DPP10: variants seen among roughly 807,000 people sequenced by gnomAD.
The protein encoded by DPP10 is inactive dipeptidyl peptidase 10.
Under a neutral mutation model 120.9 loss-of-function variants are expected in DPP10, and 33 were observed. That is an observed-to-expected ratio of 0.27 (90% CI 0.21 to 0.37). The LOEUF (loss-of-function observed/expected upper bound fraction) is 0.37. Among genes scored for constraint, DPP10 ranks in the 10% least tolerant of loss-of-function variants. The pLI is 1.00. For synonymous variants in DPP10, 337 were observed against 326.1 expected, an observed-to-expected ratio of 1.03 and a Z score of -0.36; for missense variants, 816 against 942.8, an observed-to-expected ratio of 0.87 and a Z score of 1.76.
chr2:115,203,135 C>A (rs1262457568), intron 1 of DPP10, among the ~76,000 whole-genome samples: 1 of 152,124 alleles, frequency 6.6e-6, no homozygotes, highest in Non-Finnish European at 1.5e-5. Flanking sequence ...GGGAATAAGA[C>A]CTGCTTACCA....
rs577703769 is a variant in DPP10, at chr2:115,060,985, T to C, written c.61-248254T>C. ...CAATGTTTCTTGCTGAAGCTCATAATGGATTTGAAAATCCTTGTAATGCCT... is the reference window on the plus strand; with the variant it reads ...CAATGTTTCTTGCTGAAGCTCATAACGGATTTGAAAATCCTTGTAATGCCT... On this transcript the variant is annotated intron_variant, in intron 1 of 25. Coordinates refer to ENST00000410059, the MANE Select transcript of DPP10 (RefSeq NM_020868.6). Among the ~76,000 whole-genome samples the C allele has an allele frequency of 2.0e-5, 3 of 152,320 alleles. No individual in the cohort carries two copies. The South Asian group carries it at 6.2e-4, about 32-fold the overall frequency.
chr2:115,627,758 T>G (rs2085482647), intron 5 of DPP10, among the ~76,000 whole-genome samples: 1 of 152,086 alleles, frequency 6.6e-6, no homozygotes, highest in Non-Finnish European at 1.5e-5. Context: ...CAGCTCCCAC[T>G]TAGAAATGAG....
chr2:115,456,493 A>G (rs948814111), intron 3 of DPP10, among the ~76,000 whole-genome samples: 4 of 152,312 alleles, frequency 2.6e-5, no homozygotes, highest in South Asian at 4.1e-4. Flanking sequence ...TCATTTTACT[A>G]TAAAGATACA....
At chr2:114,905,888 T>TA in intron 1 of DPP10, among the ~76,000 whole-genome samples, 1 of 152,310 alleles carries the variant, frequency 6.6e-6, no homozygotes, top group East Asian at 1.9e-4. Flanking sequence ...TATTGATAGT[T>TA]ACATCCTGCA....
chr2:115,121,647 G>T (rs995757217), intron 1 of DPP10, among the ~76,000 whole-genome samples: 2 of 152,170 alleles, frequency 1.3e-5, no homozygotes, highest in African/African-American at 4.8e-5. Context: ...TTTTTCCAGT[G>T]GTCTGGTCTT....
chr2:115,453,289 T>G (rs1320441708), intron 3 of DPP10, among the ~76,000 whole-genome samples: 1 of 151,564 alleles, frequency 6.6e-6, no homozygotes, highest in Non-Finnish European at 1.5e-5. Context: ...ACTCATACAT[T>G]AAATTGGCAT....
intron 1 of DPP10, among the ~76,000 whole-genome samples, chr2:114,617,995 C>T (rs866455426): frequency 4.6e-5 from 7 of 151,986 alleles, no homozygotes; most frequent in South Asian, 2.1e-4. Context: ...CTCTACATGT[C>T]AGATAATACA....
At chr2:115,803,434 T>G (rs185650877) in intron 19 of DPP10, among the ~76,000 whole-genome samples, 2 of 152,296 alleles carry the variant, frequency 1.3e-5, no homozygotes, top group Admixed American at 1.3e-4. Flanking sequence ...CATTGACATT[T>G]AAGGTTAGTA....
chr2:115,596,892 G>A (rs1453224898), intron 5 of DPP10, among the ~76,000 whole-genome samples: 1 of 152,190 alleles, frequency 6.6e-6, no homozygotes, highest in African/African-American at 2.4e-5. Context: ...TTACAAAAGA[G>A]TGTCAGGATA....
intron 5 of DPP10, among the ~76,000 whole-genome samples, chr2:115,558,302 C>A (rs1217359328): frequency 6.6e-6 from 1 of 152,118 alleles, no homozygotes; most frequent in African/African-American, 2.4e-5. Flanking sequence ...AATAGAAGAT[C>A]TGCACATAAT....
intron 1 of DPP10, among the ~76,000 whole-genome samples, chr2:114,718,789 C>G (rs1053631719): frequency 1.3e-5 from 2 of 152,046 alleles, no homozygotes; most frequent in Admixed American, 6.6e-5. Context: ...GCTGTAAAGA[C>G]CCTAGGAGGT....
chr2:114,897,098 G>T (rs1693076280), intron 1 of DPP10, among the ~76,000 whole-genome samples: 1 of 152,130 alleles, frequency 6.6e-6, no homozygotes, highest in South Asian at 2.1e-4. Context: ...ACTTGATCAT[G>T]GTGGATAAGC....
intron 1 of DPP10, among the ~76,000 whole-genome samples, chr2:115,154,405 T>C (rs188715787): frequency 5.9e-5 from 9 of 152,266 alleles, no homozygotes; most frequent in African/African-American, 2.2e-4. Context: ...CTAAGCAATA[T>C]CTGATGGGTT....
intron 3 of DPP10, among the ~76,000 whole-genome samples, chr2:115,497,641 A>C (rs2076471424): frequency 6.6e-6 from 1 of 150,846 alleles, no homozygotes; most frequent in African/African-American, 2.4e-5. Context: ...ACAATCAAGA[A>C]GTGGGCCAGA....
chr2:115,768,342 A>G lies in DPP10; in HGVS notation c.1159A>G (p.Thr387Ala), dbSNP rs768587536. The change falls in exon 13 of 26, where the codon ACA becomes GCA. Residue 387 changes from threonine (T) to alanine (A), a missense_variant. Thr to Ala is a moderately conservative substitution (Grantham distance 58). Coordinates refer to ENST00000410059, the MANE Select transcript of DPP10 (RefSeq NM_020868.6). ...FSRDGSKFFM[T>A]VPVKQGGRGE... is the part of the protein sequence containing the mutation. ...TAGAGACGGCAGCAAATTCTTTATGACAGTGCCTGTTAAGCAAGGGGGACG... is the reference window on the plus strand; with the variant it reads ...TAGAGACGGCAGCAAATTCTTTATGGCAGTGCCTGTTAAGCAAGGGGGACG... 6.2e-7 allele frequency: 1 copy of G among 1,613,716 alleles called. No homozygotes were observed. The highest frequency in any genetic ancestry group is 1.7e-5 in the Admixed American group (1 of 59,986).
intron 1 of DPP10, among the ~76,000 whole-genome samples, chr2:115,038,941 C>G (rs1704435720): frequency 6.6e-6 from 1 of 152,152 alleles, no homozygotes; most frequent in Non-Finnish European, 1.5e-5. Flanking sequence ...CTTAATCAAA[C>G]AAACCTGTGA....
At chr2:114,575,990 G>A (rs1468443958) in intron 1 of DPP10, among the ~76,000 whole-genome samples, 1 of 152,174 alleles carries the variant, frequency 6.6e-6, no homozygotes, top group African/African-American at 2.4e-5. Context: ...CAGATGAACT[G>A]GTGATTATGA....
At chr2:115,452,793 TAATAATATAAA>T (rs2073211851) in intron 3 of DPP10, among the ~76,000 whole-genome samples, 1 of 151,904 alleles carries the variant, frequency 6.6e-6, no homozygotes, top group Non-Finnish European at 1.5e-5. Flanking sequence ...CAATGTTCTT[TAATAATATAAA>T]ATATAAGTAT....
intron 1 of DPP10, among the ~76,000 whole-genome samples, chr2:114,592,675 C>T (rs572602199): frequency 1.3e-5 from 2 of 151,468 alleles, no homozygotes; most frequent in Non-Finnish European, 2.9e-5. Context: ...GAAAAAAAAA[C>T]CCTCAAAACG....
Sources: allele counts gnomAD v4.1 joint callset (sites outside exome capture counted in the v4.1 genomes callset), GRCh38; gene constraint gnomAD v4.1.1; transcripts MANE v1.5; gene names NCBI Gene and HGNC (gene_info 2026-07-23, HGNC 2026-07-21).